Variants in KMT5B observed in about 807,000 individuals in gnomAD.
The protein encoded by KMT5B is histone-lysine N-methyltransferase KMT5B.
Under a neutral mutation model 83.2 loss-of-function variants are expected in KMT5B, and 10 were observed. The ratio of observed to expected loss-of-function variants is 0.12; its 90% confidence interval spans 0.07 to 0.20. The LOEUF (loss-of-function observed/expected upper bound fraction) is 0.20. KMT5B is among the 10% of genes least tolerant of loss of function. KMT5B has a pLI of 1.00. For missense variants in KMT5B, 753 were observed against 1,067.2 expected (o/e 0.71, Z 4.10); for synonymous variants, 349 against 388.8 (o/e 0.90, Z 1.20).
rs535844691 is a variant in KMT5B at position 68,172,725 on chromosome 11, A to G, written c.654-1016T>C. On this transcript the variant is annotated intron_variant, in intron 6 of 10. Coordinates refer to ENST00000304363, the MANE Select transcript of KMT5B (RefSeq NM_017635.5). ...CCGGACGGTACAGCTCTAGGACTCT[A>G]GATCTCAAACCTACACACCCATCTG... 3.3e-5 allele frequency among the ~76,000 whole-genome samples: 5 copies of G among 152,254 alleles called. No individual in the cohort carries two copies. In the South Asian group the frequency reaches 6.2e-4, roughly 19 times the overall value.
In KMT5B at chr11:68,185,881, A is replaced by G; in HGVS notation, c.208T>C (p.Ser70Pro). Residue 70 changes from serine to proline, a missense_variant, in exon 3 of 11, where the codon TCT (serine) becomes CCT (proline). Transcript: ENST00000304363. ...CAGAGTTCCTTGGCGGACATTCCAG[A>G]GGATGGTACATAGCGACTCTGTCCT... ...FEGQSRYVPS[S>P]GMSAKELCEN... 1 of 1,614,060 alleles carries G rather than the reference A, an allele frequency of 6.2e-7. No homozygotes were observed.
chr11:68,181,570 C>G (rs990171109), intron 3 of KMT5B, among the ~76,000 whole-genome samples: 1 of 152,210 alleles, frequency 6.6e-6, no homozygotes, highest in Non-Finnish European at 1.5e-5. Flanking sequence ...CTTCTGGTCA[C>G]TTCTTTTGCA....
chr11:68,164,610 G>C, intron 10 of KMT5B: 1 of 502,366 alleles, frequency 2.0e-6, no homozygotes, highest in Non-Finnish European at 4.0e-6. Flanking sequence ...AGAGCACTGA[G>C]CCATGCCTAT....
chr11:68,160,456 CAAAACGA>C (rs1854758789), intron 10 of KMT5B, among the ~76,000 whole-genome samples: 1 of 152,274 alleles, frequency 6.6e-6, no homozygotes, highest in Admixed American at 6.5e-5. Context: ...GCCACGATAA[CAAAACGA>C]ATCATCACCA....
chr11:68,191,525 G>T (rs894827079), intron 1 of KMT5B, among the ~76,000 whole-genome samples: 4 of 151,874 alleles, frequency 2.6e-5, no homozygotes, highest in Non-Finnish European at 5.9e-5. Context: ...GTAGAGACAG[G>T]GTTTTACCAT....
chr11:68,160,878 CAG>C lies in KMT5B; in HGVS notation c.1175-1709_1175-1708del, dbSNP rs1854800193. Among the ~76,000 whole-genome samples the C allele has an allele frequency of 2.6e-5, 4 of 152,274 alleles. No individual in the cohort carries two copies. The South Asian group carries it at 8.3e-4, about 32-fold the overall frequency. The stretch of plus-strand genomic sequence containing the variant: ...AGGAGAATCACTTGAACCTGGGAGG[CAG>C]AGTTTGCAGTGAGCCAAAATCGCAC... On this transcript the variant is annotated intron_variant, in intron 10 of 10. Transcript: ENST00000304363.
intron 3 of KMT5B, 85 bp from the exon 4 acceptor site, chr11:68,180,285 T>C: frequency 1.3e-6 from 2 of 1,492,540 alleles, no homozygotes; most frequent in Non-Finnish European, 1.8e-6. Context: ...CTTACAATAT[T>C]CGTTGTTGCA....
In KMT5B at chr11:68,166,081, G is replaced by A. The variant is rs1382807580; in HGVS notation, c.1174+901C>T. On this transcript the variant is annotated intron_variant, in intron 10 of 10. Coordinates refer to ENST00000304363, the MANE Select transcript of KMT5B (RefSeq NM_017635.5). ...ACTGGACATTTAAGTGCCAACAAAGGCATACTTTCGGAATCGCCAAGTCAA... is the reference window on the plus strand; with the variant it reads ...ACTGGACATTTAAGTGCCAACAAAGACATACTTTCGGAATCGCCAAGTCAA... 7.9e-6 allele frequency: 12 copies of A among 1,511,718 alleles called. No individual in the cohort carries two copies. The South Asian group carries it at 8.0e-5, about 10-fold the overall frequency. The allele number at this position is 1,511,718 out of a possible 1,614,324, so 93.6% of individuals were successfully genotyped here.
intron 1 of KMT5B, among the ~76,000 whole-genome samples, chr11:68,195,235 C>G (rs1399763393): frequency 6.6e-6 from 1 of 152,176 alleles, no homozygotes; most frequent in Non-Finnish European, 1.5e-5. Context: ...ATTATACTCT[C>G]AGAAGCTATG....
rs1400403503 is a variant in KMT5B at position 68,171,224 on chromosome 11, A to ATGCTTACT, written c.840+7_840+8insAGTAAGCA. ...AAAATACTTGAAGAAAATTTTTTTA[A>ATGCTTACT]TGCTTACCTTACAATTAGGTCTGCA... On this transcript the variant is annotated splice_region_variant and intron_variant, in intron 8 of 10. Transcript: ENST00000304363. This position sits in a 1 kb window ranked among gnomAD's most constrained non-coding sequence, Gnocchi z 5.1. 1 of 1,605,578 alleles carries ATGCTTACT rather than the reference A, an allele frequency of 6.2e-7. No homozygotes were observed. Among genetic ancestry groups the ATGCTTACT allele is most frequent in the Non-Finnish European group, 8.5e-7 (1 of 1,178,216 alleles).
intron 1 of KMT5B, among the ~76,000 whole-genome samples, chr11:68,197,293 A>T (rs191635293): frequency 1.4e-4 from 22 of 152,282 alleles, no homozygotes; most frequent in Admixed American, 1.2e-3. Flanking sequence ...TTTAAGTCCC[A>T]ACCAAGATGT....
At chr11:68,163,859 G>A (rs925458028) in intron 10 of KMT5B, among the ~76,000 whole-genome samples, 3 of 152,184 alleles carry the variant, frequency 2.0e-5, no homozygotes, top group Admixed American at 2.0e-4. Flanking sequence ...CAGGAGTGAG[G>A]AGCAGCGCCC....
chr11:68,198,328 G>A (rs1366213201), intron 1 of KMT5B, among the ~76,000 whole-genome samples: 1 of 152,168 alleles, frequency 6.6e-6, no homozygotes, highest in Non-Finnish European at 1.5e-5. Context: ...AGGTTGCACT[G>A]AGCCAAGATT....
chr11:68,186,202 C>A (rs1857423041), intron 2 of KMT5B, among the ~76,000 whole-genome samples: 1 of 152,152 alleles, frequency 6.6e-6, no homozygotes, highest in Admixed American at 6.5e-5. Context: ...AAATGCTTGA[C>A]TCTCCCCCAC....
rs572370461 is a variant in KMT5B at position 68,174,561 on chromosome 11, T to C, written c.543+457A>G. Among the ~76,000 whole-genome samples, 6 of 152,264 alleles carry C rather than the reference T, an allele frequency of 3.9e-5. No homozygotes were observed. In the East Asian group the frequency reaches 9.7e-4, roughly 24 times the overall value. On this transcript the variant is annotated intron_variant, in intron 5 of 10. Coordinates refer to ENST00000304363, the MANE Select transcript of KMT5B (RefSeq NM_017635.5). Reference sequence around the variant, plus strand: ...TTTGGTTTTAGAGACAGGGTCTTGCTCTGTCTCCCAGGGCTGGAGCGCAGT... The same window carrying C: ...TTTGGTTTTAGAGACAGGGTCTTGCCCTGTCTCCCAGGGCTGGAGCGCAGT...
chr11:68,207,751 A>T (rs1454979249), intron 1 of KMT5B, among the ~76,000 whole-genome samples: 3 of 148,996 alleles, frequency 2.0e-5, no homozygotes, highest in Non-Finnish European at 3.0e-5. Context: ...AGATCGTGCC[A>T]CTGCACTCCA....
At chr11:68,164,826 T>C (rs973055912) in intron 10 of KMT5B, 1 of 439,134 alleles carries the variant, frequency 2.3e-6, no homozygotes, top group East Asian at 7.0e-5. Flanking sequence ...CAGTTTGTTC[T>C]GCTTACTTGT....
Position 68,157,197 on chromosome 11 carries a change from GA to G in KMT5B, c.*490del, listed in dbSNP as rs2153039511. On this transcript the variant is annotated 3_prime_UTR_variant, in exon 11 of 11. Transcript: ENST00000304363. ...CTGGGCCAGCAAACAGTGTGAAACTGACAAAACTCCAAGGGGGAAACATCTA... is the reference window on the plus strand; with the variant it reads ...CTGGGCCAGCAAACAGTGTGAAACTGCAAAACTCCAAGGGGGAAACATCTA... The G allele has an allele frequency of 6.6e-6, 1 of 152,070 alleles. No individual in the cohort carries two copies. The highest frequency in any genetic ancestry group is 6.6e-5 in the Admixed American group (1 of 15,232). The allele number at this position is 152,070 out of a possible 1,614,324, so 9.4% of individuals were successfully genotyped here.
intron 1 of KMT5B, chr11:68,212,531 T>A (rs1158398101): frequency 6.6e-6 from 1 of 152,274 alleles, no homozygotes; most frequent in Admixed American, 6.5e-5. Flanking sequence ...TTGTCATTGT[T>A]CCTCCTTCCA....
Sources: allele counts gnomAD v4.1 joint callset (sites outside exome capture counted in the v4.1 genomes callset), GRCh38; gene constraint gnomAD v4.1.1; non-coding constraint Gnocchi (gnomAD v3.1); transcripts MANE v1.5; gene names NCBI Gene and HGNC (gene_info 2026-07-23, HGNC 2026-07-21).